Variants in PDE3B observed in about 807,000 individuals in gnomAD.
PDE3B encodes the protein phosphodiesterase 3B.
PDE3B carries 66 observed loss-of-function variants against 116.8 expected under a neutral mutation model. That is an observed-to-expected ratio of 0.56 (90% CI 0.46 to 0.69). PDE3B has a LOEUF of 0.69. PDE3B is among the 30% of genes least tolerant of loss of function. The pLI is 0.00. For synonymous variants in PDE3B, 595 were observed against 533.6 expected, an observed-to-expected ratio of 1.12 and a Z score of -1.59; for missense variants, 1,384 against 1,368.1, an observed-to-expected ratio of 1.01 and a Z score of -0.18.
intron 1 of PDE3B, among the ~76,000 whole-genome samples, chr11:14,662,798 T>A (rs1462498770): frequency 6.6e-6 from 1 of 152,118 alleles, no homozygotes; most frequent in Non-Finnish European, 1.5e-5. Context: ...CCAAGAAATA[T>A]GGGACTATGT....
At chr11:14,865,647 A>G (rs1848030785) in intron 14 of PDE3B, among the ~76,000 whole-genome samples, 3 of 152,074 alleles carry the variant, frequency 2.0e-5, no homozygotes, top group Non-Finnish European at 2.9e-5. Context: ...ATCTATTTAA[A>G]TTATATTTAA....
At chr11:14,835,733 G>C (rs1860033241) in intron 11 of PDE3B, among the ~76,000 whole-genome samples, 1 of 152,108 alleles carries the variant, frequency 6.6e-6, no homozygotes, top group Non-Finnish European at 1.5e-5. Context: ...TTAGGCAAGA[G>C]GATCACTTGA....
intron 1 of PDE3B, among the ~76,000 whole-genome samples, chr11:14,688,097 TTCTC>T (rs1189714115): frequency 8.6e-6 from 1 of 115,758 alleles, no homozygotes; most frequent in Admixed American, 8.1e-5. Flanking sequence ...CTTTCTTTCT[TTCTC>T]TCTCTCTCTC....
chr11:14,771,633 T>C (rs2133897870), intron 1 of PDE3B, among the ~76,000 whole-genome samples: 1 of 151,890 alleles, frequency 6.6e-6, no homozygotes, highest in East Asian at 1.9e-4. Context: ...ATGTAATTTT[T>C]CTTTTATTTT....
At chr11:14,668,395 A>T (rs2133776402) in intron 1 of PDE3B, among the ~76,000 whole-genome samples, 1 of 152,202 alleles carries the variant, frequency 6.6e-6, no homozygotes, top group African/African-American at 2.4e-5. Context: ...ACCTCACCTT[A>T]TTATTCATCA....
intron 5 of PDE3B, among the ~76,000 whole-genome samples, chr11:14,807,024 G>A (rs531382504): frequency 5.7e-4 from 87 of 152,094 alleles, no homozygotes; most frequent in South Asian, 5.6e-3. Context: ...ACTAAACACC[G>A]CATGTTCTCA....
At chr11:14,815,001 G>A (rs1392628493) in intron 5 of PDE3B, among the ~76,000 whole-genome samples, 1 of 150,944 alleles carries the variant, frequency 6.6e-6, no homozygotes, top group African/African-American at 2.4e-5. Flanking sequence ...GCTAGGTGTA[G>A]TGGCGGGTGC....
At chr11:14,721,041 T>C (rs1856055878) in intron 1 of PDE3B, among the ~76,000 whole-genome samples, 1 of 137,196 alleles carries the variant, frequency 7.3e-6, no homozygotes, top group Admixed American at 7.4e-5. Context: ...AAAGGGCTAA[T>C]ATCCAGAATC....
chr11:14,831,881 G>A, intron 9 of PDE3B, 104 bp downstream of exon 9: 1 of 664,962 alleles, frequency 1.5e-6, no homozygotes, highest in Non-Finnish European at 2.5e-6. Context: ...GTTCAACAAT[G>A]ACATTGTTCA....
intron 4 of PDE3B, among the ~76,000 whole-genome samples, chr11:14,800,628 T>C (rs750795196): frequency 1.8e-4 from 27 of 152,316 alleles, no homozygotes; most frequent in Non-Finnish European, 3.1e-4. Flanking sequence ...CTGACAGTTA[T>C]GTGTCTTGGG....
intron 1 of PDE3B, among the ~76,000 whole-genome samples, chr11:14,740,717 C>T (rs1565116949): frequency 6.6e-6 from 1 of 152,062 alleles, no homozygotes; most frequent in Non-Finnish European, 1.5e-5. Flanking sequence ...TAGATCTTTT[C>T]TGCTTTCTCT....
rs957233803 is a variant in PDE3B at position 14,835,161 on chromosome 11, A to T, written c.2320+66A>T. On this transcript the variant is annotated intron_variant, in intron 11 of 15. Coordinates refer to ENST00000282096, the MANE Select transcript of PDE3B (RefSeq NM_000922.4). ...ATAGTAAATCAAGCTTTCTCATTTCATTACCTCTGTTCTTTTAAGTTTTTC... is the reference window on the plus strand; with the variant it reads ...ATAGTAAATCAAGCTTTCTCATTTCTTTACCTCTGTTCTTTTAAGTTTTTC... 26 of 982,454 alleles carry T rather than the reference A, an allele frequency of 2.6e-5. No homozygotes were observed. The South Asian group carries it at 3.9e-4, about 15-fold the overall frequency. 60.9% of individuals were successfully genotyped at this position (982,454 alleles called of 1,614,324 possible).
chr11:14,703,537 G>T (rs1252909294), intron 1 of PDE3B, among the ~76,000 whole-genome samples: 1 of 151,264 alleles, frequency 6.6e-6, no homozygotes, highest in Non-Finnish European at 1.5e-5. Flanking sequence ...GTGTTTAGGT[G>T]GCTACTAGTT....
At position 14,749,724 on chromosome 11, in the gene PDE3B, A is replaced by C. The variant is rs181053568; in HGVS notation, c.979-22213A>C. ...ATGGTCTCTACTAGGAGCAGAATCC[A>C]TGAATAGGATTCAGGAAACCCATGG... On this transcript the variant is annotated intron_variant, in intron 1 of 15. Transcript: ENST00000282096. Among the ~76,000 whole-genome samples the C allele has an allele frequency of 7.8e-4, 118 of 151,414 alleles. No individual in the cohort carries two copies. In the Middle Eastern group the frequency reaches 0.014, roughly 18 times the overall value.
intron 1 of PDE3B, among the ~76,000 whole-genome samples, chr11:14,712,600 G>A (rs775356544): frequency 1.4e-5 from 2 of 146,666 alleles, no homozygotes; most frequent in Admixed American, 7.0e-5. Flanking sequence ...TCAGCCTCCC[G>A]AGTAGCTCGG....
chr11:14,793,960 A>G lies in PDE3B; in HGVS notation c.1415+4718A>G, dbSNP rs528912013. 1.8e-4 allele frequency among the ~76,000 whole-genome samples: 28 copies of G among 152,344 alleles called. No homozygotes were observed. The South Asian group carries it at 5.6e-3, about 30-fold the overall frequency. ...GCTTCTTAAGAGAATAACTCTGTAA[A>G]TTTAGACATCTACAGTTATCAAGTT... On this transcript the variant is annotated intron_variant, in intron 4 of 15. Transcript: ENST00000282096.
chr11:14,718,076 A>C (rs1405759924), intron 1 of PDE3B, among the ~76,000 whole-genome samples: 1 of 150,050 alleles, frequency 6.7e-6, no homozygotes, highest in African/African-American at 2.5e-5. Context: ...ATGGAGGAAG[A>C]TCTACCAAGC....
At chr11:14,831,808 T>C (rs759474307) in intron 9 of PDE3B, 31 bp downstream of exon 9, 3 of 1,527,674 alleles carry the variant, frequency 2.0e-6, no homozygotes, top group Non-Finnish European at 2.7e-6. Context: ...TTTTTAACTG[T>C]AAATTAATTT....
chr11:14,817,005 C>T (rs1859353356), intron 5 of PDE3B, among the ~76,000 whole-genome samples: 4 of 152,158 alleles, frequency 2.6e-5, no homozygotes, highest in Admixed American at 2.6e-4. Context: ...TATTGCGGCA[C>T]TATTCACAGT....
Sources: gnomAD v4.1 joint callset for allele counts (sites outside exome capture counted in the v4.1 genomes callset) on GRCh38, gnomAD v4.1.1 for gene constraint, MANE v1.5 for transcripts, NCBI Gene and HGNC (gene_info 2026-07-23, HGNC 2026-07-21) for gene names.